RANBP17: variants seen among roughly 807,000 people sequenced by gnomAD.
RANBP17 encodes RAN binding protein 17, also known as ran-binding protein 17.
In RANBP17, 158 loss-of-function variants were observed where a neutral mutation model predicts 141.2. That is an observed-to-expected ratio of 1.12 (90% CI 0.98 to 1.28). The LOEUF (loss-of-function observed/expected upper bound fraction) is 1.28. Ranked by LOEUF, RANBP17 falls within the 50% of genes most tolerant of loss-of-function variation. The pLI is 0.00. For missense variants in RANBP17, 1,438 were observed against 1,290.7 expected (o/e 1.11, Z -1.75); for synonymous variants, 430 against 450.0 (o/e 0.96, Z 0.56).
intron 24 of RANBP17, among the ~76,000 whole-genome samples, chr5:171,246,461 C>T (rs1421142433): frequency 1.3e-5 from 2 of 152,266 alleles, no homozygotes; most frequent in African/African-American, 4.8e-5. Flanking sequence ...TCCTGTACTG[C>T]TTGTTGTACA....
chr5:171,243,803 G>A (rs898422559), intron 24 of RANBP17, among the ~76,000 whole-genome samples: 5 of 152,254 alleles, frequency 3.3e-5, no homozygotes, highest in African/African-American at 4.8e-5. Context: ...GGCTGGGCGC[G>A]GTGGCTCAGC....
chr5:170,911,353 G>A (rs983980408), intron 7 of RANBP17: 2 of 572,104 alleles, frequency 3.5e-6, no homozygotes, highest in South Asian at 4.6e-5. Context: ...GAAAAAACAA[G>A]GACTGCACTA....
chr5:171,269,924 TTAAAC>T lies in RANBP17; in HGVS notation c.2943+4084_2943+4088del, dbSNP rs143189322. Reference sequence around the variant, plus strand: ...AGTTTAGAGAGGGTTTGTCAGCTCTTTAAACTAAACTGATGCAATGATACTGCAAT... The same window carrying T: ...AGTTTAGAGAGGGTTTGTCAGCTCTTTAAACTGATGCAATGATACTGCAAT... On this transcript the variant is annotated intron_variant, in intron 25 of 27. Coordinates refer to ENST00000523189, the MANE Select transcript of RANBP17 (RefSeq NM_022897.5). Among the ~76,000 whole-genome samples the T allele has an allele frequency of 2.6e-5, 4 of 152,340 alleles. No individual in the cohort carries two copies. The East Asian group carries it at 7.7e-4, about 29-fold the overall frequency.
chr5:171,137,878 C>G (rs750860629), intron 14 of RANBP17, among the ~76,000 whole-genome samples: 9 of 150,742 alleles, frequency 6.0e-5, no homozygotes, highest in Non-Finnish European at 1.2e-4. Context: ...ATATGTCACC[C>G]CAAATACTGA....
chr5:170,948,189 A>T (rs1169138909), intron 12 of RANBP17, among the ~76,000 whole-genome samples: 1 of 152,174 alleles, frequency 6.6e-6, no homozygotes, highest in African/African-American at 2.4e-5. Flanking sequence ...ATAAACAGTC[A>T]TGGTTTTGTA....
At chr5:170,969,720 C>T (rs574945833) in intron 14 of RANBP17, among the ~76,000 whole-genome samples, 3 of 151,984 alleles carry the variant, frequency 2.0e-5, no homozygotes, top group African/African-American at 7.2e-5. Context: ...TATGGGATTT[C>T]GGATTTTGTT....
At chr5:170,893,229 A>C (rs546567722) in intron 4 of RANBP17, among the ~76,000 whole-genome samples, 1 of 126,056 alleles carries the variant, frequency 7.9e-6, no homozygotes, top group Non-Finnish European at 1.7e-5. Flanking sequence ...AAATTCAGAT[A>C]TATGGACAGC....
At chr5:171,130,897 G>A (rs1561685539) in intron 14 of RANBP17, among the ~76,000 whole-genome samples, 1 of 152,040 alleles carries the variant, frequency 6.6e-6, no homozygotes, top group Non-Finnish European at 1.5e-5. Context: ...AATTAGGAGT[G>A]TTACAGCATT....
chr5:171,012,117 C>A (rs1305404286), intron 14 of RANBP17, among the ~76,000 whole-genome samples: 1 of 151,252 alleles, frequency 6.6e-6, no homozygotes, highest in Non-Finnish European at 1.5e-5. Context: ...TTTGTTTAAA[C>A]AAATAATATA....
At chr5:171,265,530 C>CA (rs1766612548) in intron 24 of RANBP17, 151 bp from the exon 25 acceptor site, 10 of 719,530 alleles carry the variant, frequency 1.4e-5, no homozygotes, top group South Asian at 7.8e-5. Flanking sequence ...AACTCTGTCT[C>CA]AAAAAAACAA....
chr5:171,155,936 T>A (rs1301217682), intron 14 of RANBP17, among the ~76,000 whole-genome samples: 1 of 152,140 alleles, frequency 6.6e-6, no homozygotes, highest in East Asian at 1.9e-4. Context: ...GATTGGAGCA[T>A]GAAAGCATTA....
At chr5:171,274,111 AGTGTGTGTGTGTGTGTGT>A (rs372324815) in intron 25 of RANBP17, among the ~76,000 whole-genome samples, 3 of 143,114 alleles carry the variant, frequency 2.1e-5, no homozygotes, top group African/African-American at 2.6e-5. Flanking sequence ...AGTTTGATCA[AGTGTGTGTGTGTGTGTGT>A]GTGTGTGTGT....
intron 14 of RANBP17, among the ~76,000 whole-genome samples, chr5:171,154,242 C>G (rs1236975015): frequency 1.3e-5 from 2 of 152,026 alleles, no homozygotes; most frequent in African/African-American, 2.4e-5. Flanking sequence ...GCTATTTCCA[C>G]TGTCTGATAG....
intron 3 of RANBP17, among the ~76,000 whole-genome samples, chr5:170,882,643 C>T (rs547368275): frequency 6.6e-6 from 1 of 152,270 alleles, no homozygotes; most frequent in Non-Finnish European, 1.5e-5. Context: ...AACTGAATGA[C>T]AGGACAGAAT....
At chr5:170,862,198 T>G in intron 1 of RANBP17, 147 bp downstream of exon 1, 1 of 826,988 alleles carries the variant, frequency 1.2e-6, no homozygotes, top group Non-Finnish European at 1.7e-6. Flanking sequence ...CCTCTGCCCC[T>G]AGCCGGGGAC....
chr5:170,898,162 A>G (rs1184279497), intron 5 of RANBP17, among the ~76,000 whole-genome samples: 2 of 152,154 alleles, frequency 1.3e-5, no homozygotes, highest in Non-Finnish European at 2.9e-5. Context: ...TTAGGTGCAT[A>G]TATATTTAGG....
At chr5:170,904,920 A>G (rs1398228086) in intron 5 of RANBP17, among the ~76,000 whole-genome samples, 1 of 152,198 alleles carries the variant, frequency 6.6e-6, no homozygotes, top group Non-Finnish European at 1.5e-5. Flanking sequence ...ATTCAGGGAT[A>G]GGTTTTATTC....
intron 14 of RANBP17, among the ~76,000 whole-genome samples, chr5:171,077,593 C>T (rs1458088065): frequency 6.6e-6 from 1 of 152,122 alleles, no homozygotes; most frequent in African/African-American, 2.4e-5. Context: ...ACACAACAAA[C>T]TAATAACTGT....
chr5:171,082,767 G>C (rs1785336400), intron 14 of RANBP17, among the ~76,000 whole-genome samples: 1 of 151,988 alleles, frequency 6.6e-6, no homozygotes, highest in South Asian at 2.1e-4. Flanking sequence ...AATAACTTCT[G>C]CTTTGCCAGA....
Sources: allele counts gnomAD v4.1 joint callset (sites outside exome capture counted in the v4.1 genomes callset), GRCh38; gene constraint gnomAD v4.1.1; transcripts MANE v1.5; gene names NCBI Gene and HGNC (gene_info 2026-07-23, HGNC 2026-07-21).